GALNT2: variants seen among roughly 807,000 people sequenced by gnomAD.
The protein encoded by GALNT2 is polypeptide N-acetylgalactosaminyltransferase 2, also known as UDP-GalNAc:polypeptide N-acetylgalactosaminyltransferase 2.
Under a neutral mutation model 81.4 loss-of-function variants are expected in GALNT2, and 31 were observed. The observed-to-expected ratio is 0.38, with a 90% confidence interval of 0.29 to 0.51. GALNT2 has a LOEUF of 0.51. Among genes scored for constraint, GALNT2 ranks in the 20% least tolerant of loss-of-function variants. GALNT2 has a pLI of 0.87. For missense variants in GALNT2, 629 were observed against 765.7 expected, an observed-to-expected ratio of 0.82 and a Z score of 2.11; for synonymous variants, 303 against 287.4, an observed-to-expected ratio of 1.05 and a Z score of -0.55.
At chr1:230,230,003 T>C (rs1048731394) in intron 3 of GALNT2, among the ~76,000 whole-genome samples, 1 of 152,210 alleles carries the variant, frequency 6.6e-6, no homozygotes, top group East Asian at 1.9e-4. Context: ...ATTTAAAATT[T>C]TTTTAATCAA....
intron 1 of GALNT2, among the ~76,000 whole-genome samples, chr1:230,095,749 C>A (rs568027117): frequency 6.6e-6 from 1 of 152,336 alleles, no homozygotes; most frequent in South Asian, 2.1e-4. Context: ...CAGGCTCTGT[C>A]CTTGAGGGGC....
In GALNT2 at chr1:230,070,852, A is replaced by G. The variant is rs1659349642; in HGVS notation, c.126+3446A>G. 6.6e-6 allele frequency among the ~76,000 whole-genome samples: 1 copy of G among 152,228 alleles called. No homozygotes were observed. ...TGCCAAGCTGAACCATTTGGGAACT[A>G]GTAATGTTTTTGAGCTAGTAGTAGA... is the stretch of plus-strand genomic sequence containing the variant. On this transcript the variant is annotated intron_variant, in intron 1 of 15. Transcript: ENST00000366672. The surrounding 1 kb of genome is among the most constrained non-coding windows in gnomAD (Gnocchi z 4.7).
intron 3 of GALNT2, among the ~76,000 whole-genome samples, chr1:230,208,948 C>T (rs1664150483): frequency 6.6e-6 from 1 of 152,014 alleles, no homozygotes; most frequent in Admixed American, 6.5e-5. Context: ...TTCGTATAGC[C>T]CAGGTTGGTC....
At chr1:230,211,304 G>C (rs1351383693) in intron 3 of GALNT2, among the ~76,000 whole-genome samples, 1 of 152,166 alleles carries the variant, frequency 6.6e-6, no homozygotes, top group African/African-American at 2.4e-5. Context: ...GGCCACACGG[G>C]GTGTCACAGG....
intron 1 of GALNT2, among the ~76,000 whole-genome samples, chr1:230,127,531 A>C (rs1661225546): frequency 6.6e-6 from 1 of 152,034 alleles, no homozygotes; most frequent in Admixed American, 6.6e-5. Flanking sequence ...ATGCGGCACC[A>C]TGCGCAGCTA....
chr1:230,057,865 C>A, upstream of GALNT2: 1 of 347,546 alleles, frequency 2.9e-6, no homozygotes, highest in Non-Finnish European at 5.8e-6. Context: ...AAGGTAGCAA[C>A]CACAGGCAGG....
In GALNT2 at chr1:230,276,865, C is replaced by T. The variant is rs143085650; in HGVS notation, c.1560+2301C>T. ...ATTGGCCCCTCGAGAGGAAGCTCCTCGAGGGCAAGGCTGGCATCTGCTGAG... is the reference window on the plus strand; with the variant it reads ...ATTGGCCCCTCGAGAGGAAGCTCCTTGAGGGCAAGGCTGGCATCTGCTGAG... On this transcript the variant is annotated intron_variant, in intron 15 of 15. Coordinates refer to ENST00000366672, the MANE Select transcript of GALNT2 (RefSeq NM_004481.5). Among the ~76,000 whole-genome samples the T allele has an allele frequency of 8.2e-3, 1,252 of 152,176 alleles. 10 individuals are homozygous for T. The highest frequency in any genetic ancestry group is 0.034 in the Middle Eastern group (10 of 294).
intron 10 of GALNT2, among the ~76,000 whole-genome samples, chr1:230,251,221 A>G (rs1381478699): frequency 6.6e-6 from 1 of 152,012 alleles, no homozygotes; most frequent in African/African-American, 2.4e-5. Flanking sequence ...TGCTTGTTTC[A>G]ATTAAAGCCT....
chr1:230,136,560 G>A (rs1026517770), intron 1 of GALNT2, among the ~76,000 whole-genome samples: 3 of 152,248 alleles, frequency 2.0e-5, no homozygotes, highest in East Asian at 1.9e-4. Context: ...CTGCCCTGTC[G>A]GAATATGTCC....
At chr1:230,213,005 T>C (rs926803547) in intron 3 of GALNT2, among the ~76,000 whole-genome samples, 2 of 152,238 alleles carry the variant, frequency 1.3e-5, no homozygotes, top group Non-Finnish European at 2.9e-5. Flanking sequence ...TCAAAGATCA[T>C]TAGCAAACGT....
At chr1:230,168,062 C>T (rs1662670865) in intron 1 of GALNT2, among the ~76,000 whole-genome samples, 1 of 151,630 alleles carries the variant, frequency 6.6e-6, no homozygotes, top group African/African-American at 2.4e-5. Flanking sequence ...GGTTGGGAAA[C>T]CCAGAACAAG....
rs376363450 is a variant in GALNT2, at chr1:230,274,583, C to T, written c.1560+19C>T. ...CAGACAGGTACGGCTTGCAGGCACC[C>T]GTGGGTGCCCGTGATTAACCCAGAC... On this transcript the variant is annotated intron_variant, in intron 15 of 15. Transcript: ENST00000366672. 9.9e-5 allele frequency: 160 copies of T among 1,613,052 alleles called. 2 individuals carry two copies. The highest frequency in any genetic ancestry group is 9.6e-4 in the South Asian group (87 of 90,882).
intron 1 of GALNT2, among the ~76,000 whole-genome samples, chr1:230,145,570 C>G (rs912134714): frequency 6.6e-6 from 1 of 152,264 alleles, no homozygotes; most frequent in Non-Finnish European, 1.5e-5. Context: ...GATTCCTCCG[C>G]TGAGGTCGGG....
At chr1:230,065,329 T>C (rs537719103), upstream of GALNT2, among the ~76,000 whole-genome samples, 16 of 152,356 alleles carry the variant, frequency 1.1e-4, no homozygotes, top group Admixed American at 1.0e-3. Context: ...TTGTCATTAC[T>C]TTCAATTTCC....
At chr1:230,085,527 G>T (rs766613490) in intron 1 of GALNT2, among the ~76,000 whole-genome samples, 2 of 152,168 alleles carry the variant, frequency 1.3e-5, no homozygotes, top group African/African-American at 4.8e-5. Context: ...TTTCCCACTC[G>T]TAAGCCCCTG....
chr1:230,196,236 C>T (rs989504474), intron 2 of GALNT2, among the ~76,000 whole-genome samples: 1 of 152,214 alleles, frequency 6.6e-6, no homozygotes, highest in African/African-American at 2.4e-5. Context: ...TGTTACATGC[C>T]TCCTGCATCT....
At chr1:230,175,081 C>T (rs1248562232) in intron 1 of GALNT2, among the ~76,000 whole-genome samples, 1 of 152,166 alleles carries the variant, frequency 6.6e-6, no homozygotes, top group Non-Finnish European at 1.5e-5. Flanking sequence ...TAATACCAGG[C>T]CAAGGCCTTC....
At chr1:230,145,219 T>C (rs1422736774) in intron 1 of GALNT2, among the ~76,000 whole-genome samples, 3 of 152,156 alleles carry the variant, frequency 2.0e-5, no homozygotes. Context: ...GCCCCCTGTG[T>C]TGCTTGTTAG....
upstream of GALNT2, among the ~76,000 whole-genome samples, chr1:230,064,624 G>A (rs1361509132): frequency 1.3e-5 from 2 of 152,182 alleles, no homozygotes; most frequent in African/African-American, 2.4e-5. Flanking sequence ...GGGTTCAAAT[G>A]ATTCTTCCAC....
Sources: allele counts gnomAD v4.1 joint callset (sites outside exome capture counted in the v4.1 genomes callset), GRCh38; gene constraint gnomAD v4.1.1; non-coding constraint Gnocchi (gnomAD v3.1); transcripts MANE v1.5; gene names NCBI Gene and HGNC (gene_info 2026-07-23, HGNC 2026-07-21).